The following KCNIP1 variants were observed in gnomAD, a reference collection of about 807,000 sequenced individuals.
The protein encoded by KCNIP1 is A-type potassium channel modulatory protein KCNIP1.
Under a neutral mutation model 33.0 loss-of-function variants are expected in KCNIP1, and 18 were observed. That is an observed-to-expected ratio of 0.55 (90% CI 0.38 to 0.81). The LOEUF (loss-of-function observed/expected upper bound fraction) is 0.81. Among genes scored for constraint, KCNIP1 ranks in the 30% least tolerant of loss-of-function variants. The probability of loss-of-function intolerance (pLI) is 0.00; values close to 1 mark genes in which losing one functional copy is unlikely to be tolerated. For missense variants in KCNIP1, 238 were observed against 271.6 expected (o/e 0.88, Z 0.87); for synonymous variants, 93 against 98.3 (o/e 0.95, Z 0.32).
At chr5:170,717,275 A>G (rs2113866246) in intron 1 of KCNIP1, among the ~76,000 whole-genome samples, 2 of 152,322 alleles carry the variant, frequency 1.3e-5, no homozygotes, top group Middle Eastern at 3.4e-3. Context: ...TTTTGAGAAT[A>G]AGCCCTTTCA....
At chr5:170,526,669 T>C (rs1755580179) in intron 1 of KCNIP1, among the ~76,000 whole-genome samples, 1 of 151,636 alleles carries the variant, frequency 6.6e-6, no homozygotes, top group South Asian at 2.1e-4. Context: ...CTGTCCCCAC[T>C]GATGGGACAC....
intron 1 of KCNIP1, among the ~76,000 whole-genome samples, chr5:170,598,981 G>A (rs893937731): frequency 1.1e-4 from 17 of 151,418 alleles, no homozygotes; most frequent in Non-Finnish European, 2.1e-4. Context: ...GGAAGAGAGG[G>A]CAGAGAGCCA....
intron 1 of KCNIP1, among the ~76,000 whole-genome samples, chr5:170,430,471 C>T (rs1755715920): frequency 6.6e-6 from 1 of 152,314 alleles, no homozygotes; most frequent in Middle Eastern, 3.4e-3. Flanking sequence ...CCCTTCAAAG[C>T]CCAGCTCATG....
intron 1 of KCNIP1, among the ~76,000 whole-genome samples, chr5:170,553,423 GA>G (rs1756727050): frequency 6.6e-6 from 1 of 152,198 alleles, no homozygotes; most frequent in African/African-American, 2.4e-5. Context: ...CTGAGGCCCA[GA>G]AAGGCAAAGT....
chr5:170,462,964 CA>C (rs751659819), intron 1 of KCNIP1, among the ~76,000 whole-genome samples: 57 of 152,082 alleles, frequency 3.7e-4, no homozygotes, highest in Admixed American at 7.9e-4. Flanking sequence ...TTTGGGGACT[CA>C]GGGGGAGAGG....
At chr5:170,372,395 A>G (rs1369696826) in intron 1 of KCNIP1, among the ~76,000 whole-genome samples, 2 of 152,064 alleles carry the variant, frequency 1.3e-5, no homozygotes, top group African/African-American at 4.8e-5. Context: ...TGAAGATTTC[A>G]CTACATAGGC....
intron 1 of KCNIP1, among the ~76,000 whole-genome samples, chr5:170,714,125 C>T (rs1763557675): frequency 2.0e-5 from 3 of 152,056 alleles, no homozygotes; most frequent in South Asian, 2.1e-4. Flanking sequence ...GTCATGGTCA[C>T]GGTCCTGAGC....
chr5:170,537,975 G>C (rs1012843599), intron 1 of KCNIP1, among the ~76,000 whole-genome samples: 1 of 152,216 alleles, frequency 6.6e-6, no homozygotes, highest in African/African-American at 2.4e-5. Flanking sequence ...TTCCCTTCAG[G>C]CACTTAAAGC....
intron 1 of KCNIP1, among the ~76,000 whole-genome samples, chr5:170,664,125 C>A (rs774344020): frequency 2.0e-5 from 3 of 152,156 alleles, no homozygotes; most frequent in Non-Finnish European, 4.4e-5. Context: ...ATGTCTCCAG[C>A]CTCATCCTGC....
At chr5:170,482,388 A>G (rs1418246573) in intron 1 of KCNIP1, among the ~76,000 whole-genome samples, 1 of 152,180 alleles carries the variant, frequency 6.6e-6, no homozygotes, top group Non-Finnish European at 1.5e-5. Flanking sequence ...ACAATGGCCA[A>G]TGTTTGAATC....
At position 170,357,389 on chromosome 5, in the gene KCNIP1, A is replaced by G. The variant is rs140259175; in HGVS notation, c.88+3425A>G. On this transcript the variant is annotated intron_variant, in intron 1 of 7. Coordinates refer to the KCNIP1 transcript ENST00000377360. ...GATATGACTTCTGTTATTAGCGGAT[A>G]CTCTCATGGTTGAGAGCCCCTCCGG... Among the ~76,000 whole-genome samples the G allele has an allele frequency of 2.1e-3, 322 of 152,248 alleles. 1 individual carries two copies. Among genetic ancestry groups the G allele is most frequent in the African/African-American group, 7.3e-3 (302 of 41,544 alleles).
chr5:170,419,073 T>A (rs1396283428), intron 1 of KCNIP1, among the ~76,000 whole-genome samples: 2 of 152,206 alleles, frequency 1.3e-5, no homozygotes, highest in Non-Finnish European at 2.9e-5. Context: ...GTCTACGTGG[T>A]TAGTGAATTT....
chr5:170,665,091 G>T (rs759673483), intron 1 of KCNIP1, among the ~76,000 whole-genome samples: 1 of 152,156 alleles, frequency 6.6e-6, no homozygotes, highest in African/African-American at 2.4e-5. Flanking sequence ...CGAACCCCCA[G>T]AAGCCTTTTC....
chr5:170,526,739 T>TTTTTTTC (rs1755586741), intron 1 of KCNIP1, among the ~76,000 whole-genome samples: 1 of 150,824 alleles, frequency 6.6e-6, no homozygotes, highest in African/African-American at 2.4e-5. Flanking sequence ...TTTTTTTTTT[T>TTTTTTTC]TGAGACAGAA....
intron 1 of KCNIP1, among the ~76,000 whole-genome samples, chr5:170,590,005 G>C (rs1163263283): frequency 6.6e-6 from 1 of 152,118 alleles, no homozygotes; most frequent in Non-Finnish European, 1.5e-5. Flanking sequence ...ATGGGAATGG[G>C]GATGGCTCAG....
At chr5:170,442,229 G>A (rs563818330) in intron 1 of KCNIP1, among the ~76,000 whole-genome samples, 11 of 152,272 alleles carry the variant, frequency 7.2e-5, no homozygotes, top group South Asian at 4.1e-4. Context: ...CCCAGGGGCC[G>A]AGTAAGCAGA....
chr5:170,434,520 G>C (rs894225721), intron 1 of KCNIP1, among the ~76,000 whole-genome samples: 1 of 152,150 alleles, frequency 6.6e-6, no homozygotes, highest in African/African-American at 2.4e-5. Flanking sequence ...TCAGGTTGGA[G>C]GTAGGATGTG....
chr5:170,440,008 G>A (rs1755952620), intron 1 of KCNIP1, among the ~76,000 whole-genome samples: 1 of 152,228 alleles, frequency 6.6e-6, no homozygotes, highest in Admixed American at 6.5e-5. Flanking sequence ...GACTGTTCTT[G>A]GAGACAGGGC....
chr5:170,660,793 G>A (rs947433973), intron 1 of KCNIP1, among the ~76,000 whole-genome samples: 1 of 152,254 alleles, frequency 6.6e-6, no homozygotes, highest in African/African-American at 2.4e-5. Context: ...GAGCTCAGCA[G>A]ACTTGCCCTT....
Sources: gnomAD v4.1 joint callset for allele counts (sites outside exome capture counted in the v4.1 genomes callset) on GRCh38, gnomAD v4.1.1 for gene constraint, MANE v1.5 for transcripts, NCBI Gene and HGNC (gene_info 2026-07-23, HGNC 2026-07-21) for gene names.